The following ABHD2 variants were observed in gnomAD, a reference collection of about 807,000 sequenced individuals.
ABHD2 encodes the protein abhydrolase domain containing 2, acylglycerol lipase.
Under a neutral mutation model 48.1 loss-of-function variants are expected in ABHD2, and 20 were observed. The observed-to-expected ratio is 0.42, with a 90% CI of 0.29 to 0.60. The LOEUF is 0.60. ABHD2 is among the 20% of genes least tolerant of loss of function. The probability of loss-of-function intolerance (pLI) is 0.24; values close to 1 mark genes in which losing one functional copy is unlikely to be tolerated. For synonymous variants in ABHD2, 209 were observed against 214.2 expected, an observed-to-expected ratio of 0.98 and a Z score of 0.21; for missense variants, 405 against 550.9, an observed-to-expected ratio of 0.74 and a Z score of 2.65.
rs542510161 is a variant in ABHD2 at position 89,153,631 on chromosome 15, G to GT, written c.371-1735dup. ...GACAAAGGTGCTTCTAGGGAAGGCA[G>GT]TATTTGTACCTAAGATGTACTTTAA... is the stretch of plus-strand genomic sequence containing the variant. On this transcript the variant is annotated intron_variant, in intron 4 of 10. Coordinates refer to ENST00000352732, the MANE Select transcript of ABHD2 (RefSeq NM_152924.5). 3.9e-5 allele frequency among the ~76,000 whole-genome samples: 6 copies of GT among 152,262 alleles called. No homozygotes were observed. In the South Asian group the frequency reaches 1.2e-3, roughly 32 times the overall value.
chr15:89,181,142 C>G (rs887442153), intron 6 of ABHD2, among the ~76,000 whole-genome samples: 6 of 136,284 alleles, frequency 4.4e-5, no homozygotes, highest in African/African-American at 1.7e-4. Flanking sequence ...AGGAAAATCT[C>G]TTGAACCCAG....
the ABHD2 span, among the ~76,000 whole-genome samples, chr15:89,069,154 C>T: frequency 5.1e-5 from 7 of 136,540 alleles, no homozygotes; most frequent in Admixed American, 2.4e-4. Flanking sequence ...GAGATAGGAT[C>T]TCTCTCTGTT....
the ABHD2 span, among the ~76,000 whole-genome samples, chr15:89,079,055 T>C: frequency 1.3e-5 from 2 of 152,180 alleles, no homozygotes; most frequent in African/African-American, 4.8e-5. This position sits in a 1 kb window ranked among gnomAD's most constrained non-coding sequence, Gnocchi z 4.3. Context: ...TAACATCTTA[T>C]CTTCACAGGT....
intron 5 of ABHD2, among the ~76,000 whole-genome samples, chr15:89,170,671 G>T (rs2093075361): frequency 6.6e-6 from 1 of 152,186 alleles, no homozygotes; most frequent in African/African-American, 2.4e-5. Context: ...GGATGGACCA[G>T]AGGGCCTGTT....
At chr15:89,068,702 A>C in the ABHD2 span, among the ~76,000 whole-genome samples, 3 of 149,286 alleles carry the variant, frequency 2.0e-5, no homozygotes, top group African/African-American at 7.4e-5. Flanking sequence ...ATATTGGTCA[A>C]GGTTACAGAG....
chr15:89,159,984 G>T (rs552432674), intron 5 of ABHD2, among the ~76,000 whole-genome samples: 7 of 152,202 alleles, frequency 4.6e-5, no homozygotes, highest in African/African-American at 1.4e-4. Context: ...CAAACAAATA[G>T]GACCTTAAAA....
In ABHD2 at chr15:89,176,639, G is replaced by T. The variant is rs1489410277; in HGVS notation, c.722+644G>T. On this transcript the variant is annotated intron_variant, in intron 6 of 10. Coordinates refer to ENST00000352732, the MANE Select transcript of ABHD2 (RefSeq NM_152924.5). This position sits in a 1 kb window ranked among gnomAD's most constrained non-coding sequence, Gnocchi z 4.5. Reference sequence around the variant, plus strand: ...CCCCTGAAGATCACTGCTGTCCCAGGTCTCTCAAGAGTCACCACACTCACA... The same window carrying T: ...CCCCTGAAGATCACTGCTGTCCCAGTTCTCTCAAGAGTCACCACACTCACA... Among the ~76,000 whole-genome samples the T allele has an allele frequency of 6.6e-6, 1 of 151,980 alleles. No individual in the cohort carries two copies. The highest frequency in any genetic ancestry group is 1.9e-4 in the East Asian group (1 of 5,192).
rs773065633 is a variant in ABHD2, at chr15:89,149,518, A to G, written c.195-2159A>G. ...GAGCTAGAGGTGAATGAGCAGCAGG[A>G]GGGGTTGGCTTGAAAACAGCATCTA... On this transcript the variant is annotated intron_variant, in intron 3 of 10. Coordinates refer to ENST00000352732, the MANE Select transcript of ABHD2 (RefSeq NM_152924.5). Among the ~76,000 whole-genome samples, 144 of 152,282 alleles carry G rather than the reference A, an allele frequency of 9.5e-4. 3 individuals carry two copies. Among genetic ancestry groups the G allele is most frequent in the Middle Eastern group, 6.8e-3 (2 of 294 alleles).
At chr15:89,089,344 C>A (rs932875936) in intron 1 of ABHD2, among the ~76,000 whole-genome samples, 1 of 152,230 alleles carries the variant, frequency 6.6e-6, no homozygotes, top group Non-Finnish European at 1.5e-5. Flanking sequence ...AAGAGTACTT[C>A]TGGGGGTCCA....
At chr15:89,135,988 G>A (rs1000948244) in intron 3 of ABHD2, 26 of 308,770 alleles carry the variant, frequency 8.4e-5, no homozygotes, top group African/African-American at 4.2e-4. Flanking sequence ...GTGCAATGGC[G>A]CAATCTCAGC....
intron 4 of ABHD2, among the ~76,000 whole-genome samples, chr15:89,152,229 C>G (rs1381828210): frequency 6.6e-6 from 1 of 152,144 alleles, no homozygotes; most frequent in East Asian, 1.9e-4. Context: ...GCGCCAGCCA[C>G]CACGCTCGGC....
chr15:89,098,533 G>T (rs954291363), intron 1 of ABHD2, among the ~76,000 whole-genome samples: 2 of 152,104 alleles, frequency 1.3e-5, no homozygotes, highest in African/African-American at 4.8e-5. Flanking sequence ...TCCTTGTGTG[G>T]CCTGAACTGT....
chr15:89,139,035 G>A (rs960599676), intron 3 of ABHD2, among the ~76,000 whole-genome samples: 1 of 145,132 alleles, frequency 6.9e-6, no homozygotes, highest in African/African-American at 2.8e-5. Context: ...TGGCGACATA[G>A]CAAGACCCTG....
chr15:89,077,412 A>G, the ABHD2 span, among the ~76,000 whole-genome samples: 6 of 152,168 alleles, frequency 3.9e-5, no homozygotes, highest in Non-Finnish European at 8.8e-5. Flanking sequence ...ACAGTTTACA[A>G]TCTTAAGCTA....
the ABHD2 span, among the ~76,000 whole-genome samples, chr15:89,062,710 A>G: frequency 6.6e-6 from 1 of 152,048 alleles, no homozygotes; most frequent in African/African-American, 2.4e-5. Context: ...TTAAAAATAC[A>G]TTTAGGAAGG....
the ABHD2 span, among the ~76,000 whole-genome samples, chr15:89,061,780 C>T: frequency 3.3e-5 from 5 of 152,058 alleles, no homozygotes; most frequent in African/African-American, 1.2e-4. Context: ...TGCCATGTTG[C>T]CCAGGCTGGT....
intron 3 of ABHD2, among the ~76,000 whole-genome samples, chr15:89,141,639 G>C (rs2050404899): frequency 6.6e-6 from 1 of 152,070 alleles, no homozygotes. Context: ...AAAAGTTAAA[G>C]CAGGAAGAGG....
In ABHD2 at chr15:89,102,676, C is replaced by G. The variant is rs1382106525; in HGVS notation, c.-106-11049C>G. 6.6e-6 allele frequency: 1 copy of G among 152,202 alleles called. No individual in the cohort carries two copies. The highest frequency in any genetic ancestry group is 1.9e-4 in the East Asian group (1 of 5,196). The allele number at this position is 152,202 out of a possible 1,614,324, so 9.4% of individuals were successfully genotyped here. On this transcript the variant is annotated intron_variant, in intron 1 of 10. Coordinates refer to ENST00000352732, the MANE Select transcript of ABHD2 (RefSeq NM_152924.5). This position sits in a 1 kb window ranked among gnomAD's most constrained non-coding sequence, Gnocchi z 4.8. ...GGCCAGTTCCTTGCCTCCCAGGAAA[C>G]TGATGAGGAGGCAAGACGAATGTAT...
intron 1 of ABHD2, among the ~76,000 whole-genome samples, chr15:89,098,605 A>G (rs926896974): frequency 2.0e-5 from 3 of 152,202 alleles, no homozygotes; most frequent in African/African-American, 7.2e-5. Context: ...TCCCTCCTCT[A>G]TTCTGATCAT....
Sources: allele counts gnomAD v4.1 joint callset (sites outside exome capture counted in the v4.1 genomes callset), GRCh38; gene constraint gnomAD v4.1.1; non-coding constraint Gnocchi (gnomAD v3.1); transcripts MANE v1.5; gene names NCBI Gene and HGNC (gene_info 2026-07-23, HGNC 2026-07-21).